Variants in RNASEH2B observed in about 807,000 individuals in gnomAD.
RNASEH2B encodes the protein ribonuclease H2 subunit B, also known as Aicardi-Goutieres syndrome 2 protein.
In RNASEH2B, 36 loss-of-function variants were observed where a neutral mutation model predicts 45.0. The observed-to-expected ratio is 0.80, with a 90% CI of 0.61 to 1.06. The LOEUF (loss-of-function observed/expected upper bound fraction) is 1.06. Ranked by LOEUF, RNASEH2B falls within the 50% of genes least tolerant of loss-of-function variation. The pLI is 0.00. For missense variants in RNASEH2B, 361 were observed against 360.3 expected (o/e 1.00, Z -0.02); for synonymous variants, 119 against 125.7 (o/e 0.95, Z 0.35).
At chr13:50,969,892 C>T (rs566649741) in intron 9 of RNASEH2B, 272 of 1,544,660 alleles carry the variant, frequency 1.8e-4, no homozygotes, top group Non-Finnish European at 1.8e-4. Context: ...GACTGTTTCT[C>T]CTCACCAGGA....
intron 3 of RNASEH2B, chr13:50,930,080 GTGT>G (rs1951657272): frequency 4.7e-6 from 1 of 214,732 alleles, no homozygotes; most frequent in African/African-American, 2.3e-5. Flanking sequence ...GTTTCTTGTG[GTGT>G]TCCCTTAATT....
chr13:50,952,434 C>A (rs972766520), intron 9 of RNASEH2B: 1 of 151,980 alleles, frequency 6.6e-6, no homozygotes, highest in African/African-American at 2.4e-5. Context: ...CAGAGTCTTG[C>A]CGTGTCATCT....
chr13:50,934,733 A>G, intron 4 of RNASEH2B, 152 bp from the exon 5 acceptor site: 1 of 681,588 alleles, frequency 1.5e-6, no homozygotes, highest in Non-Finnish European at 2.7e-6. Flanking sequence ...TCCGTCCTAG[A>G]GCCTGTCCCA....
chr13:50,959,670 C>G (rs567075912), downstream of RNASEH2B: 1 of 152,364 alleles, frequency 6.6e-6, no homozygotes, highest in South Asian at 2.1e-4. Flanking sequence ...TCAGGCTAGT[C>G]TTGAACTCCC....
intron 5 of RNASEH2B, among the ~76,000 whole-genome samples, chr13:50,940,167 T>C (rs902915376): frequency 1.3e-5 from 2 of 152,190 alleles, no homozygotes; most frequent in African/African-American, 2.4e-5. Context: ...AAAAAGTATA[T>C]ACTATATCAT....
At chr13:50,943,162 TA>T (rs1951853763) in intron 5 of RNASEH2B, 158 bp from the exon 6 acceptor site, 6 of 609,314 alleles carry the variant, frequency 9.8e-6, no homozygotes, top group Non-Finnish European at 1.8e-5. Context: ...TACTAACATT[TA>T]AAAAAACATT....
intron 5 of RNASEH2B, among the ~76,000 whole-genome samples, chr13:50,939,720 A>G (rs972353180): frequency 2.6e-5 from 4 of 152,168 alleles, no homozygotes; most frequent in Admixed American, 6.5e-5. Flanking sequence ...AGAATTTGGT[A>G]TACATATGAA....
chr13:50,949,804 T>A (rs1951954234), intron 9 of RNASEH2B, among the ~76,000 whole-genome samples: 1 of 152,200 alleles, frequency 6.6e-6, no homozygotes, highest in Non-Finnish European at 1.5e-5. Context: ...ATTAGTTAGA[T>A]CACTTAATTA....
At chr13:50,926,225 T>C (rs1422917928) in intron 1 of RNASEH2B, among the ~76,000 whole-genome samples, 1 of 152,210 alleles carries the variant, frequency 6.6e-6, no homozygotes, top group African/African-American at 2.4e-5. Context: ...TAACCATTCA[T>C]GGGTAAGCCA....
rs571235378 is a variant in RNASEH2B, at chr13:50,940,601, G to C, written c.437-2720G>C. ...GGCCAGTGTGAGCACTGGCTCTGAG[G>C]TTTAGGCCTCGATATTCAGGAGAGT... On this transcript the variant is annotated intron_variant, in intron 5 of 10. Transcript: ENST00000336617. 5.3e-5 allele frequency among the ~76,000 whole-genome samples: 8 copies of C among 152,270 alleles called. No homozygotes were observed. The South Asian group carries it at 1.7e-3, about 32-fold the overall frequency.
chr13:50,947,386 AGT>A (rs34501133), intron 7 of RNASEH2B, among the ~76,000 whole-genome samples: 57,441 of 145,598 alleles, frequency 0.39, 11,228 homozygotes, highest in East Asian at 0.61. Context: ...TTAGTTTGGG[AGT>A]GTGTGTGTGT....
At chr13:50,968,073 G>A (rs9526710) in intron 9 of RNASEH2B, among the ~76,000 whole-genome samples, 130,647 of 152,166 alleles carry the variant, frequency 0.86, 56,636 homozygotes, top group African/African-American at 0.96. Flanking sequence ...GTTCGTCCCT[G>A]TGTTTCATAG....
At chr13:50,925,349 G>A (rs1951579755) in intron 1 of RNASEH2B, among the ~76,000 whole-genome samples, 1 of 151,644 alleles carries the variant, frequency 6.6e-6, no homozygotes, top group South Asian at 2.1e-4. Flanking sequence ...TACTCATTAT[G>A]GGCCATATTT....
intron 2 of RNASEH2B, among the ~76,000 whole-genome samples, chr13:50,927,925 G>A (rs1951621633): frequency 6.6e-6 from 1 of 150,760 alleles, no homozygotes; most frequent in African/African-American, 2.4e-5. Flanking sequence ...ATTAGGTTCA[G>A]TTTTAGCTAT....
chr13:50,953,907 A>C lies in RNASEH2B; in HGVS notation c.744A>C (p.Lys248Asn), dbSNP rs748144224. 3.3e-5 allele frequency: 52 copies of C among 1,593,932 alleles called. No individual in the cohort carries two copies. Among genetic ancestry groups the C allele is most frequent in the Non-Finnish European group, 4.3e-5 (50 of 1,161,844 alleles). Residue 248 changes from lysine to asparagine, a missense_variant and splice_region_variant, in exon 10 of 11, where the codon AAA becomes AAC. Coordinates refer to ENST00000336617, the MANE Select transcript of RNASEH2B (RefSeq NM_024570.4). ...SASLPNPPSKKIKLSDEPVEA... is the reference protein window; with the variant it reads ...SASLPNPPSKNIKLSDEPVEA... The stretch of plus-strand genomic sequence containing the variant: ...ACTTCACTGCTCTAATGTTGCAGAA[A>C]ATAAAGTTATCAGATGAGCCTGTAG...
chr13:50,964,874 C>T (rs1952149409), intron 9 of RNASEH2B, among the ~76,000 whole-genome samples: 1 of 152,030 alleles, frequency 6.6e-6, no homozygotes, highest in Non-Finnish European at 1.5e-5. Context: ...AGGACTGGCT[C>T]CATCTTGTTA....
At chr13:50,961,446 A>G (rs1952110061), downstream of RNASEH2B, among the ~76,000 whole-genome samples, 3 of 152,042 alleles carry the variant, frequency 2.0e-5, no homozygotes, top group African/African-American at 7.2e-5. Context: ...ATTATTATTA[A>G]TTTTAATGCT....
chr13:50,964,297 T>C (rs1593486434), intron 9 of RNASEH2B, among the ~76,000 whole-genome samples: 1 of 152,230 alleles, frequency 6.6e-6, no homozygotes, highest in East Asian at 1.9e-4. Context: ...CCCTTAATTT[T>C]TGAGATACTT....
intron 10 of RNASEH2B, chr13:50,956,129 GCTT>G (rs1952044179): frequency 2.2e-6 from 1 of 464,100 alleles, no homozygotes; most frequent in African/African-American, 2.0e-5. Context: ...GGAACATTCT[GCTT>G]CTTAGAAGGC....
Sources: allele counts gnomAD v4.1 joint callset (sites outside exome capture counted in the v4.1 genomes callset), GRCh38; gene constraint gnomAD v4.1.1; transcripts MANE v1.5; gene names NCBI Gene and HGNC (gene_info 2026-07-23, HGNC 2026-07-21).